The following RABAC1 variants were observed in gnomAD, a reference collection of about 807,000 sequenced individuals.
RABAC1 encodes Rab acceptor 1.
Under a neutral mutation model 22.9 loss-of-function variants are expected in RABAC1, and 16 were observed. The ratio of observed to expected loss-of-function variants is 0.70; its 90% CI spans 0.47 to 1.06. RABAC1 has a LOEUF of 1.06. Among genes scored for constraint, RABAC1 ranks in the 50% least tolerant of loss-of-function variants. The pLI, the probability that RABAC1 is intolerant of heterozygous loss-of-function variation, is 0.00. For missense variants in RABAC1, 227 were observed against 246.5 expected (o/e 0.92, Z 0.53); for synonymous variants, 139 against 107.7 (o/e 1.29, Z -1.80).
rs1446911602 is a variant in RABAC1, at chr19:41,958,649, G to C, written c.269+87C>G. 7.2e-6 allele frequency: 10 copies of C among 1,396,248 alleles called. No homozygotes were observed. In the South Asian group the frequency reaches 1.2e-4, roughly 16 times the overall value. 86.5% of individuals were successfully genotyped at this position (1,396,248 alleles called of 1,614,324 possible). ...GCCCTGGGCGGTGAGAGGAGGGACC[G>C]GGCGGTGAAGGGCGGGGCCTGAGCG... On this transcript the variant is annotated intron_variant, in intron 2 of 4. Coordinates refer to ENST00000222008, the MANE Select transcript of RABAC1 (RefSeq NM_006423.3).
At chr19:41,958,998 C>A in intron 1 of RABAC1, 50 bp from the exon 2 acceptor site, 1 of 1,494,598 alleles carries the variant, frequency 6.7e-7, no homozygotes, top group Non-Finnish European at 8.9e-7. Flanking sequence ...GAGCCCCAGA[C>A]CCCCGCAAAA....
chr19:41,957,306 A>C, intron 3 of RABAC1, 187 bp from the exon 4 acceptor site: 1 of 589,306 alleles, frequency 1.7e-6, no homozygotes, highest in Non-Finnish European at 3.0e-6. Flanking sequence ...CCTCCAGAAC[A>C]CAGCACACCG....
rs782582470 is a variant in RABAC1, at chr19:41,958,373, G to A, written c.280C>T (p.Pro94Ser). The change falls in exon 3 of 5, where the codon CCT (proline) becomes TCT (serine). Residue 94 changes from proline (P) to serine (S), a missense_variant. Physicochemically the swap from Pro to Ser is moderately conservative, Grantham distance 74. Coordinates refer to ENST00000222008, the MANE Select transcript of RABAC1 (RefSeq NM_006423.3). ...ACAGCCAGAGCCACCAGCAACATAG[G>A]GGACGTCACCCTGGAGGAGGAGTGC... ...GLILYCVVTSPMLLVALAVFF... is the reference protein window; with the variant it reads ...GLILYCVVTSSMLLVALAVFF... 6.2e-7 allele frequency: 1 copy of A among 1,613,400 alleles called. No individual in the cohort carries two copies. Among genetic ancestry groups the A allele is most frequent in the Non-Finnish European group, 8.5e-7 (1 of 1,179,786 alleles).
intron 3 of RABAC1, 118 bp downstream of exon 3, chr19:41,958,168 C>G: frequency 2.1e-6 from 2 of 935,152 alleles, no homozygotes. Context: ...TAGTGTACAT[C>G]TAGGCTTGGG....
chr19:41,958,954 G>C lies in RABAC1; in HGVS notation c.57-6C>G, dbSNP rs1303144309. On this transcript the variant is annotated splice_region_variant and splice_polypyrimidine_tract_variant and intron_variant, in intron 1 of 4. Coordinates refer to ENST00000222008, the MANE Select transcript of RABAC1 (RefSeq NM_006423.3). The stretch of plus-strand genomic sequence containing the variant: ...TCAGCTTCGGCAGCAGGGTCCTGCG[G>C]GGGGTGGGGCCGGGTCAGTGGTGGA... 1.1e-5 allele frequency: 17 copies of C among 1,560,048 alleles called. No individual in the cohort carries two copies. Among genetic ancestry groups the C allele is most frequent in the Non-Finnish European group, 1.5e-5 (17 of 1,157,524 alleles).
At chr19:41,957,844 C>G (rs1247151263) in intron 3 of RABAC1, 1 of 171,060 alleles carries the variant, frequency 5.8e-6, no homozygotes, top group Non-Finnish European at 1.3e-5. Context: ...GAAACATACT[C>G]CTCGGCTTCC....
rs782385546 is a variant in RABAC1, at chr19:41,957,056, CAGA to C, written c.428_430del (p.Phe143del). On this transcript the variant is annotated inframe_deletion, in exon 4 of 5. Coordinates refer to ENST00000222008, the MANE Select transcript of RABAC1 (RefSeq NM_006423.3). Reference sequence around the variant, plus strand: ...GACGGCCGAGCCCGCACCAGCCAGCCAGAAGAAGGGGAAGGAGATGCCTCCAGC... The same window carrying C: ...GACGGCCGAGCCCGCACCAGCCAGCCAGAAGGGGAAGGAGATGCCTCCAGC... The C allele has an allele frequency of 2.1e-5, 34 of 1,613,950 alleles. No homozygotes were observed. In the Middle Eastern group the frequency reaches 6.6e-4, roughly 31 times the overall value.
chr19:41,958,435 C>T (rs2074999876), intron 2 of RABAC1, 52 bp from the exon 3 acceptor site: 3 of 1,531,178 alleles, frequency 2.0e-6, no homozygotes, highest in Non-Finnish European at 2.7e-6. Flanking sequence ...GCTGGGCCAG[C>T]CCGACGGCCC....
At position 41,958,742 on chromosome 19, in the gene RABAC1, T is replaced by C. The variant is rs1555857096; in HGVS notation, c.263A>G (p.Tyr88Cys). ...YVFVFLGLIL[Y>C]CVVTSPMLLV... Reference sequence around the variant, plus strand: ...GGGCCCGGGAGGCACTCACACACAGTACAGGATGAGGCCCAGGAACACGAA... The same window carrying C: ...GGGCCCGGGAGGCACTCACACACAGCACAGGATGAGGCCCAGGAACACGAA... The change falls in exon 2 of 5, where the codon TAC becomes TGC. Residue 88 changes from tyrosine (Y) to cysteine (C), a missense_variant. Coordinates refer to ENST00000222008, the MANE Select transcript of RABAC1 (RefSeq NM_006423.3). 5.6e-6 allele frequency: 9 copies of C among 1,612,276 alleles called. No individual in the cohort carries two copies. In the East Asian group the frequency reaches 1.6e-4, roughly 28 times the overall value.
Position 41,957,087 on chromosome 19 carries a change from G to C in RABAC1, c.400C>G (p.Leu134Val), listed in dbSNP as rs2074993497. 1.2e-6 allele frequency: 2 copies of C among 1,613,830 alleles called. No homozygotes were observed. The highest frequency in any genetic ancestry group is 1.1e-5 in the South Asian group (1 of 91,090). Residue 134 changes from leucine to valine, a missense_variant, in exon 4 of 5, where the codon CTG (leucine) becomes GTG (valine). Leu to Val is a conservative substitution (Grantham distance 32). Transcript: ENST00000222008. The part of the protein sequence containing the change: ...REVSPAHQYA[L>V]AGGISFPFFW... ...AAGGGGAAGGAGATGCCTCCAGCCA[G>C]AGCATACTGATGCGCTGGGCTCACC...
chr19:41,956,902 C>T lies in RABAC1; in HGVS notation c.502G>A (p.Ala168Thr), dbSNP rs782464717. The stretch of plus-strand genomic sequence containing the variant: ...TCCACAGCCTCAATCTGGTGGAAGG[C>T]AGCGTGGGAGCCGATGACCACCAGG... ...ATLVVIGSHAAFHQIEAVDGE... is the reference protein window; with the variant it reads ...ATLVVIGSHATFHQIEAVDGE... The change falls in exon 5 of 5, where the codon GCC becomes ACC. Residue 168 changes from alanine to threonine, a missense_variant. By Grantham distance (58) the Ala-to-Thr change is moderately conservative. Coordinates refer to ENST00000222008, the MANE Select transcript of RABAC1 (RefSeq NM_006423.3). 1 of 1,612,646 alleles carries T rather than the reference C, an allele frequency of 6.2e-7. No homozygotes were observed. The highest frequency in any genetic ancestry group is 2.2e-5 in the East Asian group (1 of 44,856).
intron 2 of RABAC1, 77 bp from the exon 3 acceptor site, chr19:41,958,460 G>C: frequency 5.8e-6 from 8 of 1,390,174 alleles, no homozygotes; most frequent in Non-Finnish European, 8.0e-6. Context: ...CTTCTCCACC[G>C]GCGGGCGGCA....
intron 2 of RABAC1, 85 bp from the exon 3 acceptor site, chr19:41,958,468 G>C: frequency 7.6e-7 from 1 of 1,311,102 alleles, no homozygotes; most frequent in Admixed American, 2.0e-5. Flanking sequence ...CCGGCGGGCG[G>C]CAAGCTACAT....
At position 41,959,318 on chromosome 19, in the gene RABAC1, C is replaced by A. The variant is rs782523475; in HGVS notation, c.-26G>T. The A allele has an allele frequency of 6.2e-7, 1 of 1,613,230 alleles. No homozygotes were observed. The highest frequency in any genetic ancestry group is 2.2e-5 in the East Asian group (1 of 44,874). On this transcript the variant is annotated 5_prime_UTR_variant, in exon 1 of 5. Coordinates refer to ENST00000222008, the MANE Select transcript of RABAC1 (RefSeq NM_006423.3). ...GTCTGCGTCGTGAGGGGTAGAGCTG[C>A]TGTAACCAGCCCGGTACCCTGAAGA...
rs782543052 is a variant in RABAC1, at chr19:41,958,781, T to C, written c.224A>G (p.Gln75Arg). The C allele has an allele frequency of 1.2e-6, 2 of 1,613,074 alleles. No homozygotes were observed. Among genetic ancestry groups the C allele is most frequent in the Non-Finnish European group, 1.7e-6 (2 of 1,179,844 alleles). The change falls in exon 2 of 5, where the codon CAG (glutamine) becomes CGG (arginine). Residue 75 changes from glutamine (Q) to arginine (R), a missense_variant. Physicochemically the swap from Gln to Arg is conservative, Grantham distance 43. Transcript: ENST00000222008. ...CAGGAACACGAACACATAGTTGCTC[T>C]GGTAGTACTCCACGTTGCGTACGAG... The part of the protein sequence containing the change: ...QRLVRNVEYY[Q>R]SNYVFVFLGL...
In RABAC1 at chr19:41,958,638, G is replaced by C. The variant is rs1305617047; in HGVS notation, c.269+98C>G. 12 of 1,336,966 alleles carry C rather than the reference G, an allele frequency of 9.0e-6. No individual in the cohort carries two copies. The Admixed American group carries it at 2.3e-4, about 26-fold the overall frequency. 82.8% of individuals were successfully genotyped at this position (1,336,966 alleles called of 1,614,324 possible). A position where few individuals can be genotyped will look rare whatever the true frequency, so the allele number is the denominator to read the frequency against. ...GTGAGAAGAGGGCCCTGGGCGGTGAGAGGAGGGACCGGGCGGTGAAGGGCG... is the reference window on the plus strand; with the variant it reads ...GTGAGAAGAGGGCCCTGGGCGGTGACAGGAGGGACCGGGCGGTGAAGGGCG... On this transcript the variant is annotated intron_variant, in intron 2 of 4. Coordinates refer to ENST00000222008, the MANE Select transcript of RABAC1 (RefSeq NM_006423.3).
intron 2 of RABAC1, 44 bp from the exon 3 acceptor site, chr19:41,958,427 T>A: frequency 6.4e-7 from 1 of 1,565,338 alleles, no homozygotes; most frequent in Non-Finnish European, 8.7e-7. Flanking sequence ...CAGCTGGGGC[T>A]GGGCCAGCCC....
chr19:41,959,126 C>A (rs1025055243), intron 1 of RABAC1, 111 bp downstream of exon 1: 9 of 1,489,918 alleles, frequency 6.0e-6, no homozygotes, highest in Admixed American at 4.0e-5. Context: ...GGGGCCAACA[C>A]TTCTGCGGCT....
chr19:41,959,044 AC>A, intron 1 of RABAC1, 96 bp from the exon 2 acceptor site: 2 of 1,377,398 alleles, frequency 1.5e-6, no homozygotes, highest in Non-Finnish European at 1.9e-6. Context: ...CCCTCCCGGG[AC>A]CCCAGATTCC....
Sources: allele counts gnomAD v4.1 joint callset, GRCh38; gene constraint gnomAD v4.1.1; transcripts MANE v1.5; gene names NCBI Gene and HGNC (gene_info 2026-07-23, HGNC 2026-07-21).